The following MOSPD2 variants were observed in gnomAD, a reference collection of about 807,000 sequenced individuals.
MOSPD2 encodes the protein motile sperm domain-containing protein 2.
Under a neutral mutation model 41.7 loss-of-function variants are expected in MOSPD2, and 5 were observed. That is an observed-to-expected ratio of 0.12 (90% CI 0.06 to 0.25). The LOEUF (loss-of-function observed/expected upper bound fraction) is 0.25, where lower values mean the gene tolerates loss of function less well. MOSPD2 is among the 10% of genes least tolerant of loss of function. MOSPD2 has a pLI of 1.00. For synonymous variants in MOSPD2, 115 were observed against 126.9 expected, an observed-to-expected ratio of 0.91 and a Z score of 0.63; for missense variants, 282 against 375.2, an observed-to-expected ratio of 0.75 and a Z score of 2.05.
In MOSPD2 at chrX:14,919,652, A is replaced by AT; in HGVS notation, c.1420-19dup. 1 of 1,122,928 alleles carries AT rather than the reference A, an allele frequency of 8.9e-7. No individual in the cohort carries two copies. Among genetic ancestry groups the AT allele is most frequent in the South Asian group, 1.9e-5 (1 of 51,337 alleles). 92.5% of individuals were successfully genotyped at this position (1,122,928 alleles called of 1,213,427 possible). ...GCTGTTTTATTGATATAAATCTTTCATCCCCTCTTCCCTCTTCAGCTCAGT... is the reference window on the plus strand; with the variant it reads ...GCTGTTTTATTGATATAAATCTTTCATTCCCCTCTTCCCTCTTCAGCTCAGT... On this transcript the variant is annotated intron_variant, in intron 14 of 14. Coordinates refer to ENST00000380492, the MANE Select transcript of MOSPD2 (RefSeq NM_152581.4).
chrX:14,920,659 AC>A lies in MOSPD2; in HGVS notation c.*855del, dbSNP rs1374375853. ...CCTGACCCTCTATTGTCCCATCTTC[AC>A]CCCCATTCCAGAGCAGAGGAGTCTC... On this transcript the variant is annotated 3_prime_UTR_variant, in exon 15 of 15. Transcript: ENST00000380492. The A allele has an allele frequency of 1.3e-6, 1 of 750,683 alleles. No individual in the cohort carries two copies. Among genetic ancestry groups the A allele is most frequent in the East Asian group, 1.5e-4 (1 of 6,574 alleles). The allele number at this position is 750,683 out of a possible 1,213,427, so 61.9% of individuals were successfully genotyped here.
chrX:14,905,033 C>T (rs1949690373), intron 7 of MOSPD2, among the ~76,000 whole-genome samples: 1 of 111,780 alleles, frequency 8.9e-6, no homozygotes. Context: ...CTCTCAGAAG[C>T]TGAGGGCAAA....
At chrX:14,909,901 A>G (rs1279219654) in intron 8 of MOSPD2, among the ~76,000 whole-genome samples, 1 of 111,475 alleles carries the variant, frequency 9.0e-6, no homozygotes, top group Non-Finnish European at 1.9e-5. Context: ...AAAACCAAAT[A>G]TACTTCATTT....
chrX:14,895,604 C>CA (rs2092561689), intron 4 of MOSPD2, among the ~76,000 whole-genome samples: 1 of 111,417 alleles, frequency 9.0e-6, no homozygotes, highest in Non-Finnish European at 1.9e-5. Flanking sequence ...GCAATAAAGG[C>CA]AAAAAATAAA....
chrX:14,915,887 G>T, intron 12 of MOSPD2, 123 bp downstream of exon 12: 1 of 644,993 alleles, frequency 1.6e-6, no homozygotes, highest in Non-Finnish European at 2.4e-6. Context: ...AGTATCACGA[G>T]TCACCTCACC....
chrX:14,897,743 AT>A (rs1569103395), intron 5 of MOSPD2, among the ~76,000 whole-genome samples: 1 of 111,104 alleles, frequency 9.0e-6, no homozygotes, highest in Non-Finnish European at 1.9e-5. Flanking sequence ...GCTTGTTTGG[AT>A]TTGTTTTCTA....
intron 14 of MOSPD2, among the ~76,000 whole-genome samples, chrX:14,919,227 G>A (rs1378681012): frequency 1.8e-5 from 2 of 111,701 alleles, no homozygotes; most frequent in Non-Finnish European, 3.8e-5. Flanking sequence ...AAAAGAAATG[G>A]TGTAAGCAGT....
At chrX:14,874,403 C>T (rs143942115) in intron 2 of MOSPD2, 2,615 of 111,640 alleles carry the variant, frequency 0.023, 23 homozygotes, top group Non-Finnish European at 0.035. Flanking sequence ...GTAAAACATA[C>T]GGAATAACTT....
chrX:14,879,165 T>C (rs1347151664), intron 2 of MOSPD2, among the ~76,000 whole-genome samples: 1 of 112,071 alleles, frequency 8.9e-6, no homozygotes, highest in Non-Finnish European at 1.9e-5. Flanking sequence ...TATGGCTGTG[T>C]AGTAGTTCAT....
intron 7 of MOSPD2, among the ~76,000 whole-genome samples, chrX:14,908,279 T>A (rs1391594603): frequency 9.0e-6 from 1 of 111,625 alleles, no homozygotes; most frequent in East Asian, 2.8e-4. Context: ...CAAAAAAAAT[T>A]TAAAAACCAG....
intron 14 of MOSPD2, among the ~76,000 whole-genome samples, chrX:14,919,173 T>G (rs1321885908): frequency 1.8e-5 from 2 of 111,494 alleles, no homozygotes; most frequent in Non-Finnish European, 3.8e-5. Flanking sequence ...GCCACTGCAC[T>G]CCAGCCTGGG....
chrX:14,911,468 C>A, intron 9 of MOSPD2, 55 bp downstream of exon 9: 1 of 884,481 alleles, frequency 1.1e-6, no homozygotes, highest in Non-Finnish European at 1.6e-6. Context: ...ATCCCCAATT[C>A]TGACACTAGC....
At chrX:14,884,744 C>A (rs1182363140) in intron 2 of MOSPD2, among the ~76,000 whole-genome samples, 1 of 111,238 alleles carries the variant, frequency 9.0e-6, no homozygotes, top group Non-Finnish European at 1.9e-5. Context: ...AAAAGATATA[C>A]AAAACAAATA....
intron 5 of MOSPD2, among the ~76,000 whole-genome samples, chrX:14,899,561 T>TACAC (rs1422473429): frequency 1.8e-5 from 1 of 54,056 alleles, no homozygotes; most frequent in South Asian, 7.8e-4. Flanking sequence ...ATATATTATA[T>TACAC]ACATACACAC....
chrX:14,873,518 C>T lies in MOSPD2; in HGVS notation c.-11C>T, dbSNP rs762524507. The stretch of plus-strand genomic sequence containing the variant: ...ACGGCGACAACCGCAATCACATCCA[C>T]GACGGTGATCATGGCAGAGGTGAGG... On this transcript the variant is annotated 5_prime_UTR_variant, in exon 1 of 15. The change creates a new upstream start codon in the 5' untranslated region. Coordinates refer to ENST00000380492, the MANE Select transcript of MOSPD2 (RefSeq NM_152581.4). 8 of 1,210,600 alleles carry T rather than the reference C, an allele frequency of 6.6e-6. No homozygotes were observed. The highest frequency in any genetic ancestry group is 8.9e-6 in the Non-Finnish European group (8 of 895,226).
chrX:14,890,696 A>G (rs1028139158), intron 2 of MOSPD2, among the ~76,000 whole-genome samples: 6 of 111,832 alleles, frequency 5.4e-5, no homozygotes, highest in African/African-American at 2.0e-4. Context: ...TATATAAAAC[A>G]GCTTAAAGAT....
At position 14,916,914 on chromosome X, in the gene MOSPD2, TGAAAA is replaced by T. The variant is rs759418532; in HGVS notation, c.1316+591_1316+595del. 8.9e-5 allele frequency among the ~76,000 whole-genome samples: 10 copies of T among 112,704 alleles called. No individual in the cohort carries two copies. The South Asian group carries it at 3.3e-3, about 37-fold the overall frequency. ...ATATATCAGGTTGTGACAAATTTCT[TGAAAA>T]GATATGTAGAAAAGGAGAATAGAAG... is the stretch of plus-strand genomic sequence containing the variant. On this transcript the variant is annotated intron_variant, in intron 13 of 14. Transcript: ENST00000380492.
intron 11 of MOSPD2, 48 bp downstream of exon 11, chrX:14,914,647 G>C: frequency 1.3e-6 from 1 of 752,379 alleles, no homozygotes; most frequent in Non-Finnish European, 2.0e-6. Flanking sequence ...ATTTGACATG[G>C]GAAGTGATTT....
Position 14,920,746 on chromosome X carries a change from A to AT in MOSPD2, c.*944dup. 1.3e-5 allele frequency: 10 copies of AT among 752,440 alleles called. No individual in the cohort carries two copies. Among genetic ancestry groups the AT allele is most frequent in the Non-Finnish European group, 1.6e-5 (10 of 637,891 alleles). 62.0% of individuals were successfully genotyped at this position (752,440 alleles called of 1,213,427 possible). A position where few individuals can be genotyped will look rare whatever the true frequency, so the allele number is the denominator to read the frequency against. On this transcript the variant is annotated 3_prime_UTR_variant, in exon 15 of 15. Transcript: ENST00000380492. Reference sequence around the variant, plus strand: ...TCTAAATGAAAGGTATTAGATATAAATTTTTTTGAAAGGTTAGTTGTTTGA... The same window carrying AT: ...TCTAAATGAAAGGTATTAGATATAAATTTTTTTTGAAAGGTTAGTTGTTTGA...
Sources: gnomAD v4.1 joint callset for allele counts (sites outside exome capture counted in the v4.1 genomes callset) on GRCh38, gnomAD v4.1.1 for gene constraint, MANE v1.5 for transcripts, NCBI Gene and HGNC (gene_info 2026-07-23, HGNC 2026-07-21) for gene names.